Variants in PCDHB5 observed in about 807,000 individuals in gnomAD.
PCDHB5 encodes the protein protocadherin beta 5, also known as protocadherin beta-5.
For synonymous variants in PCDHB5, 569 were observed against 462.2 expected (o/e 1.23, Z -2.96); for missense variants, 1,125 against 1,029.4 (o/e 1.09, Z -1.27).
In PCDHB5 at chr5:141,135,581, A is replaced by T; in HGVS notation, c.147A>T (p.Ala49=). ...TESGYSVANL[A]KDLGLGVGEL... ...GTGGCTATTCTGTGGCCAACCTGGC[A>T]AAAGACCTGGGTCTTGGGGTGGGGG... The change falls in exon 1 of 1, where the codon GCA becomes GCT. Residue 49 remains alanine (A), a synonymous_variant. Coordinates refer to ENST00000231134, the MANE Select transcript of PCDHB5 (RefSeq NM_015669.5). 1 of 1,614,204 alleles carries T rather than the reference A, an allele frequency of 6.2e-7. No individual in the cohort carries two copies.
Position 141,137,623 on chromosome 5 carries a change from C to G in PCDHB5, c.2189C>G (p.Pro730Arg), listed in dbSNP as rs1247695431. 3.1e-6 allele frequency: 5 copies of G among 1,613,710 alleles called. No individual in the cohort carries two copies. In the Admixed American group the frequency reaches 5.0e-5, roughly 16 times the overall value. ...GGTCGCTGCTCGGTGCCCGAGGGCC[C>G]CTTTCCAGGGCATCTGGTGGACGTG... The part of the protein sequence containing the change: ...PVGRCSVPEG[P>R]FPGHLVDVSG... The change falls in exon 1 of 1, where the codon CCC becomes CGC. Residue 730 changes from proline (P) to arginine (R), a missense_variant. Coordinates refer to ENST00000231134, the MANE Select transcript of PCDHB5 (RefSeq NM_015669.5).
rs1289001693 is a variant in PCDHB5 at position 141,137,930 on chromosome 5, T to C, written c.*108T>C. 1 of 1,029,704 alleles carries C rather than the reference T, an allele frequency of 9.7e-7. No individual in the cohort carries two copies. The highest frequency in any genetic ancestry group is 1.4e-6 in the Non-Finnish European group (1 of 701,838). 63.8% of individuals were successfully genotyped at this position (1,029,704 alleles called of 1,614,324 possible). A position where few individuals can be genotyped will look rare whatever the true frequency, so the allele number is the denominator to read the frequency against. ...TTTCACCTTGAGATTGAGCTTTTAT[T>C]TCCCTTTTTAATGGATTTGTCTGTT... On this transcript the variant is annotated 3_prime_UTR_variant, in exon 1 of 1. Coordinates refer to ENST00000231134, the MANE Select transcript of PCDHB5 (RefSeq NM_015669.5).
chr5:141,135,774 G>C lies in PCDHB5; in HGVS notation c.340G>C (p.Val114Leu). ...TTTCCAGCTCTTACTAGAAAATCCA[G>C]TGCAGTTTTTTCAAACTGATCTGCA... ...LHFQLLLENP[V>L]QFFQTDLQLT... Residue 114 changes from valine (V) to leucine (L), a missense_variant, in exon 1 of 1, where the codon GTG becomes CTG. By Grantham distance (32) the Val-to-Leu change is conservative. Transcript: ENST00000231134. 6.2e-7 allele frequency: 1 copy of C among 1,614,102 alleles called. No individual in the cohort carries two copies. The highest frequency in any genetic ancestry group is 8.5e-7 in the Non-Finnish European group (1 of 1,179,982).
Position 141,136,230 on chromosome 5 carries a change from G to A in PCDHB5, c.796G>A (p.Ala266Thr). 4 of 1,614,062 alleles carry A rather than the reference G, an allele frequency of 2.5e-6. No homozygotes were observed. Among genetic ancestry groups the A allele is most frequent in the Non-Finnish European group, 3.4e-6 (4 of 1,179,974 alleles). The stretch of plus-strand genomic sequence containing the variant: ...TAACTCCTTAGTTGTCGTTGTCTCC[G>A]CTCGAGATTTAGATGCAGGAGCATA... The part of the protein sequence containing the change: ...PLNSLVVVVS[A>T]RDLDAGAYGS... The change falls in exon 1 of 1, where the codon GCT becomes ACT. Residue 266 changes from alanine (A) to threonine (T), a missense_variant. By Grantham distance (58) the Ala-to-Thr change is moderately conservative. Transcript: ENST00000231134.
chr5:141,136,907 GC>G lies in PCDHB5; in HGVS notation c.1477del (p.Gln493ArgfsTer48). On this transcript the variant is annotated frameshift_variant, in exon 1 of 1. Coordinates refer to ENST00000231134, the MANE Select transcript of PCDHB5 (RefSeq NM_015669.5). LOFTEE classifies it low-confidence loss of function (END_TRUNC). The part of the protein sequence containing the change: ...NAQVTYSLLP[P>X]QNPHLRLASL... Reference sequence around the variant, plus strand: ...CCCAGGTCACCTACTCGCTGCTGCCGCCCCAGAACCCACACCTGCGCCTCGC... The same window carrying G: ...CCCAGGTCACCTACTCGCTGCTGCCGCCCAGAACCCACACCTGCGCCTCGC... The G allele has an allele frequency of 6.2e-7, 1 of 1,612,598 alleles. No individual in the cohort carries two copies. Among genetic ancestry groups the G allele is most frequent in the Non-Finnish European group, 8.5e-7 (1 of 1,180,010 alleles).
At position 141,136,295 on chromosome 5, in the gene PCDHB5, T is replaced by C. The variant is rs1002723486; in HGVS notation, c.861T>C (p.Val287=). The C allele has an allele frequency of 1.9e-6, 3 of 1,614,208 alleles. No individual in the cohort carries two copies. In the Admixed American group the frequency reaches 5.0e-5, roughly 27 times the overall value. The part of the protein sequence containing the change: ...VAYALFQGDE[V]TQPFVIDEKT... Reference sequence around the variant, plus strand: ...ATGCTCTATTCCAAGGCGATGAAGTTACTCAACCATTTGTAATAGACGAGA... The same window carrying C: ...ATGCTCTATTCCAAGGCGATGAAGTCACTCAACCATTTGTAATAGACGAGA... Residue 287 remains valine, a synonymous_variant, in exon 1 of 1, where the codon GTT becomes GTC. Coordinates refer to ENST00000231134, the MANE Select transcript of PCDHB5 (RefSeq NM_015669.5).
Position 141,137,021 on chromosome 5 carries a change from C to G in PCDHB5, c.1587C>G (p.Arg529=), listed in dbSNP as rs781920885. ...AGGCCCTGCAGGCGTTCGAGTTCCG[C>G]GTGGGAGCCACAGACCGCGGCTCCC... is the stretch of plus-strand genomic sequence containing the variant. ...DYEALQAFEF[R]VGATDRGSPA... The change falls in exon 1 of 1, where the codon CGC becomes CGG. Residue 529 remains arginine (R), a synonymous_variant. Coordinates refer to ENST00000231134, the MANE Select transcript of PCDHB5 (RefSeq NM_015669.5). The G allele has an allele frequency of 2.4e-5, 39 of 1,612,030 alleles. No individual in the cohort carries two copies. The highest frequency in any genetic ancestry group is 3.0e-5 in the Non-Finnish European group (35 of 1,179,846).
rs782749785 is a variant in PCDHB5, at chr5:141,137,431, C to A, written c.1997C>A (p.Ser666Tyr). ...CACGTGCTCCTGGTGGACGGCTTCT[C>A]CCAGCCCTACCTGCCGCTGCCGGAG... ...TLHVLLVDGF[S>Y]QPYLPLPEAA... is the part of the protein sequence containing the mutation. Residue 666 changes from serine (S) to tyrosine (Y), a missense_variant, in exon 1 of 1, where the codon TCC becomes TAC. Transcript: ENST00000231134. 1 of 1,611,988 alleles carries A rather than the reference C, an allele frequency of 6.2e-7. No homozygotes were observed. The highest frequency in any genetic ancestry group is 1.1e-5 in the South Asian group (1 of 90,966).
rs144777261 is a variant in PCDHB5 at position 141,137,513 on chromosome 5, G to A, written c.2079G>A (p.Leu693=). 6.2e-7 allele frequency: 1 copy of A among 1,612,498 alleles called. No individual in the cohort carries two copies. The highest frequency in any genetic ancestry group is 8.5e-7 in the Non-Finnish European group (1 of 1,179,596). ...TCACTGTCTACCTGGTGGTGGCATT[G>A]GCCTCGGTGTCGTCGCTCTTCCTCT... ...DSLTVYLVVA[L]ASVSSLFLFS... is the part of the protein sequence containing the mutation. Residue 693 remains leucine, a synonymous_variant, in exon 1 of 1, where the codon TTG becomes TTA. Coordinates refer to ENST00000231134, the MANE Select transcript of PCDHB5 (RefSeq NM_015669.5).
In PCDHB5 at chr5:141,136,116, A is replaced by G. The variant is rs1554275822; in HGVS notation, c.682A>G (p.Ile228Val). The G allele has an allele frequency of 1.9e-6, 3 of 1,614,036 alleles. No homozygotes were observed. In the African/African-American group the frequency reaches 4.0e-5, roughly 22 times the overall value. Reference sequence around the variant, plus strand: ...TCCGCCCAGGTCCGGGACCACCACAATTCGCATTGTCGTCTTGGATAATAA... The same window carrying G: ...TCCGCCCAGGTCCGGGACCACCACAGTTCGCATTGTCGTCTTGGATAATAA... ...GAPPRSGTTT[I>V]RIVVLDNNDN... The change falls in exon 1 of 1, where the codon ATT becomes GTT. Residue 228 changes from isoleucine (I) to valine (V), a missense_variant. Coordinates refer to ENST00000231134, the MANE Select transcript of PCDHB5 (RefSeq NM_015669.5).
chr5:141,137,896 G>A lies in PCDHB5; in HGVS notation c.*74G>A, dbSNP rs553303884. 24 of 1,380,540 alleles carry A rather than the reference G, an allele frequency of 1.7e-5. No individual in the cohort carries two copies. The African/African-American group carries it at 2.0e-4, about 12-fold the overall frequency. 85.5% of individuals were successfully genotyped at this position (1,380,540 alleles called of 1,614,324 possible). On this transcript the variant is annotated 3_prime_UTR_variant, in exon 1 of 1. Coordinates refer to ENST00000231134, the MANE Select transcript of PCDHB5 (RefSeq NM_015669.5). ...CAGATCTAGAATTCGAGAGTGTCAT[G>A]GACAAAAATTTCACCTTGAGATTGA...
In PCDHB5 at chr5:141,137,088, G is replaced by T. The variant is rs1554276109; in HGVS notation, c.1654G>T (p.Asp552Tyr). ...GGCGCTGGTGCGCGTGCTGGTGCTG[G>T]ACGCCAACGACAACTCGCCCTTCGT... ...SEALVRVLVL[D>Y]ANDNSPFVLY... Residue 552 changes from aspartate to tyrosine, a missense_variant, in exon 1 of 1, where the codon GAC becomes TAC. Transcript: ENST00000231134. 1 of 1,611,624 alleles carries T rather than the reference G, an allele frequency of 6.2e-7. No individual in the cohort carries two copies. The highest frequency in any genetic ancestry group is 2.2e-5 in the East Asian group (1 of 44,850).
chr5:141,135,650 A>C lies in PCDHB5; in HGVS notation c.216A>C (p.Lys72Asn). 3 of 1,614,076 alleles carry C rather than the reference A, an allele frequency of 1.9e-6. No individual in the cohort carries two copies. The highest frequency in any genetic ancestry group is 2.2e-5 in the East Asian group (1 of 44,878). ...RGARMHYKGN[K>N]ELLQLDIKTG... is the part of the protein sequence containing the mutation. ...CGCGAATGCATTACAAAGGAAACAA[A>C]GAGCTCTTGCAGCTTGATATAAAGA... The change falls in exon 1 of 1, where the codon AAA (lysine) becomes AAC (asparagine). Residue 72 changes from lysine (K) to asparagine (N), a missense_variant. Transcript: ENST00000231134.
rs782558003 is a variant in PCDHB5 at position 141,137,733 on chromosome 5, A to T, written c.2299A>T (p.Lys767Ter). 6.2e-7 allele frequency: 1 copy of T among 1,614,196 alleles called. No homozygotes were observed. The highest frequency in any genetic ancestry group is 2.2e-5 in the East Asian group (1 of 44,872). ...DSGAGEFKFL[K>*]PIIPNLLPQG... ...AGGGGCCGGCGAGTTCAAGTTCCTG[A>T]AGCCGATTATTCCTAACCTTTTGCC... Residue 767 changes from lysine to a stop codon, truncating the protein, a stop_gained, in exon 1 of 1, where the codon AAG becomes TAG. Transcript: ENST00000231134. LOFTEE classifies it low-confidence loss of function (END_TRUNC).
In PCDHB5 at chr5:141,137,737, C is replaced by T; in HGVS notation, c.2303C>T (p.Pro768Leu). The T allele has an allele frequency of 6.2e-7, 1 of 1,614,218 alleles. No homozygotes were observed. The highest frequency in any genetic ancestry group is 8.5e-7 in the Non-Finnish European group (1 of 1,180,046). ...SGAGEFKFLK[P>L]IIPNLLPQGA... ...GCCGGCGAGTTCAAGTTCCTGAAGC[C>T]GATTATTCCTAACCTTTTGCCCCAG... Residue 768 changes from proline to leucine, a missense_variant, in exon 1 of 1, where the codon CCG becomes CTG. Physicochemically the swap from Pro to Leu is moderately conservative, Grantham distance 98. Coordinates refer to ENST00000231134, the MANE Select transcript of PCDHB5 (RefSeq NM_015669.5).
Position 141,135,242 on chromosome 5 carries a change from C to A in PCDHB5, c.-193C>A, listed in dbSNP as rs1185417631. The A allele has an allele frequency of 5.5e-6, 3 of 549,156 alleles. No individual in the cohort carries two copies. Among genetic ancestry groups the A allele is most frequent in the African/African-American group, 1.9e-5 (1 of 52,974 alleles). 34.0% of individuals were successfully genotyped at this position (549,156 alleles called of 1,614,324 possible). The stretch of plus-strand genomic sequence containing the variant: ...TAGTGGGCTCTGCGGATAACTCAGA[C>A]GCCATTAAGCTGGGGAATCCAAACT... On this transcript the variant is annotated 5_prime_UTR_variant, in exon 1 of 1. Coordinates refer to ENST00000231134, the MANE Select transcript of PCDHB5 (RefSeq NM_015669.5).
chr5:141,136,854 G>A lies in PCDHB5; in HGVS notation c.1420G>A (p.Ala474Thr). ...SPALHIGSVSATDRDSGTNAQ... is the reference protein window; with the variant it reads ...SPALHIGSVSTTDRDSGTNAQ... ...CGCCCTGCACATCGGCAGTGTCAGC[G>A]CCACAGACAGAGACTCAGGCACCAA... The change falls in exon 1 of 1, where the codon GCC (alanine) becomes ACC (threonine). Residue 474 changes from alanine (A) to threonine (T), a missense_variant. Physicochemically the swap from Ala to Thr is moderately conservative, Grantham distance 58. Coordinates refer to ENST00000231134, the MANE Select transcript of PCDHB5 (RefSeq NM_015669.5). 6.2e-7 allele frequency: 1 copy of A among 1,612,902 alleles called. No homozygotes were observed. Among genetic ancestry groups the A allele is most frequent in the South Asian group, 1.1e-5 (1 of 90,990 alleles).
At position 141,135,587 on chromosome 5, in the gene PCDHB5, C is replaced by T; in HGVS notation, c.153C>T (p.Asp51=). The change falls in exon 1 of 1, where the codon GAC becomes GAT. Residue 51 remains aspartate, a synonymous_variant. Transcript: ENST00000231134. ...SGYSVANLAK[D]LGLGVGELAT... is the part of the protein sequence containing the mutation. ...ATTCTGTGGCCAACCTGGCAAAAGA[C>T]CTGGGTCTTGGGGTGGGGGAACTGG... 6.2e-7 allele frequency: 1 copy of T among 1,614,112 alleles called. No individual in the cohort carries two copies. Among genetic ancestry groups the T allele is most frequent in the South Asian group, 1.1e-5 (1 of 91,066 alleles).
At position 141,137,734 on chromosome 5, in the gene PCDHB5, A is replaced by G; in HGVS notation, c.2300A>G (p.Lys767Arg). 1.2e-6 allele frequency: 2 copies of G among 1,614,230 alleles called. No homozygotes were observed. The highest frequency in any genetic ancestry group is 1.7e-6 in the Non-Finnish European group (2 of 1,180,044). Residue 767 changes from lysine to arginine, a missense_variant, in exon 1 of 1, where the codon AAG becomes AGG. Coordinates refer to ENST00000231134, the MANE Select transcript of PCDHB5 (RefSeq NM_015669.5). ...GGGGCCGGCGAGTTCAAGTTCCTGA[A>G]GCCGATTATTCCTAACCTTTTGCCC... ...DSGAGEFKFL[K>R]PIIPNLLPQG... is the part of the protein sequence containing the mutation.
Sources: allele counts gnomAD v4.1 joint callset, GRCh38; gene constraint gnomAD v4.1.1; transcripts MANE v1.5; gene names NCBI Gene and HGNC (gene_info 2026-07-23, HGNC 2026-07-21).